SDK1: variants seen among roughly 807,000 people sequenced by gnomAD.
The protein encoded by SDK1 is protein sidekick-1.
A neutral mutation model predicts 245.5 loss-of-function variants in SDK1; 157 were observed. That is an observed-to-expected ratio of 0.64 (90% CI 0.56 to 0.73). SDK1 has a LOEUF of 0.73. Among genes scored for constraint, SDK1 ranks in the 30% least tolerant of loss-of-function variants. The pLI is 0.00. For missense variants in SDK1, 3,583 were observed against 3,002.3 expected (o/e 1.19, Z -4.52); for synonymous variants, 1,647 against 1,278.5 (o/e 1.29, Z -6.15).
intron 44 of SDK1, among the ~76,000 whole-genome samples, chr7:4,254,987 C>G (rs1222658128): frequency 6.6e-6 from 1 of 152,218 alleles, no homozygotes; most frequent in Non-Finnish European, 1.5e-5. Flanking sequence ...TACGTGCTAG[C>G]TCTGGTTTTC....
chr7:3,417,978 C>T (rs138347254), intron 1 of SDK1, among the ~76,000 whole-genome samples: 3 of 151,978 alleles, frequency 2.0e-5, no homozygotes, highest in African/African-American at 7.3e-5. Flanking sequence ...GGAACCCTTA[C>T]AAGTGATTTC....
intron 4 of SDK1, among the ~76,000 whole-genome samples, chr7:3,767,034 G>C (rs1780275047): frequency 6.6e-6 from 1 of 152,184 alleles, no homozygotes; most frequent in African/African-American, 2.4e-5. Context: ...CAAGCCAGAG[G>C]AATGAAGAGC....
chr7:3,466,237 C>T (rs1310553256), intron 1 of SDK1, among the ~76,000 whole-genome samples: 3 of 151,730 alleles, frequency 2.0e-5, no homozygotes, highest in Admixed American at 2.0e-4. Context: ...GGCAGATTTT[C>T]AGCTTTATAT....
intron 1 of SDK1, among the ~76,000 whole-genome samples, chr7:3,582,162 A>G (rs1780520312): frequency 6.6e-6 from 1 of 150,508 alleles, no homozygotes; most frequent in Non-Finnish European, 1.5e-5. Context: ...TGTCTCAGGT[A>G]GGTCTCCCTC....
intron 9 of SDK1, among the ~76,000 whole-genome samples, chr7:3,966,139 G>C (rs936097633): frequency 2.0e-5 from 3 of 152,074 alleles, no homozygotes; most frequent in Non-Finnish European, 4.4e-5. Context: ...GTTGAGACCT[G>C]TTAGGGGGCC....
intron 1 of SDK1, among the ~76,000 whole-genome samples, chr7:3,477,581 C>A (rs916340182): frequency 1.3e-5 from 2 of 151,298 alleles, no homozygotes; most frequent in African/African-American, 4.9e-5. Context: ...GTGGTGCAGT[C>A]ATAGCTCGCT....
intron 2 of SDK1, among the ~76,000 whole-genome samples, chr7:3,625,003 C>T (rs901028818): frequency 6.6e-6 from 1 of 152,116 alleles, no homozygotes; most frequent in Non-Finnish European, 1.5e-5. Flanking sequence ...CATGCCATTG[C>T]ACTCCAGCCT....
chr7:3,557,096 G>A (rs980781172), intron 1 of SDK1, among the ~76,000 whole-genome samples: 2 of 151,662 alleles, frequency 1.3e-5, no homozygotes, highest in South Asian at 2.1e-4. Flanking sequence ...GAAGGAAAGA[G>A]ATAATAAAAG....
intron 1 of SDK1, among the ~76,000 whole-genome samples, chr7:3,513,141 T>C (rs1358875050): frequency 6.6e-6 from 1 of 152,206 alleles, no homozygotes; most frequent in Non-Finnish European, 1.5e-5. Context: ...AGCTAACAGT[T>C]ACTGAGCTCT....
intron 17 of SDK1, among the ~76,000 whole-genome samples, chr7:4,035,422 A>T (rs984346100): frequency 1.3e-5 from 2 of 152,224 alleles, no homozygotes; most frequent in Admixed American, 1.3e-4. Context: ...ACTTTGAAAG[A>T]TGGAAATTTG....
intron 4 of SDK1, among the ~76,000 whole-genome samples, chr7:3,816,582 G>T (rs572934182): frequency 6.6e-6 from 1 of 151,890 alleles, no homozygotes; most frequent in East Asian, 1.9e-4. Context: ...AATAACAGGA[G>T]CTGAAATTGT....
rs1221287615 is a variant in SDK1 at position 3,767,531 on chromosome 7, C to T, written c.714-53919C>T. 2.0e-5 allele frequency among the ~76,000 whole-genome samples: 3 copies of T among 151,522 alleles called. No homozygotes were observed. In the East Asian group the frequency reaches 5.8e-4, roughly 29 times the overall value. On this transcript the variant is annotated intron_variant, in intron 4 of 44. Transcript: ENST00000404826. ...ACAAAATGAAATTCATGATAGCTAA[C>T]ACTTACATAGGCTTACTCTATGCCA...
At chr7:3,668,002 T>C (rs1783588831) in intron 4 of SDK1, among the ~76,000 whole-genome samples, 1 of 152,148 alleles carries the variant, frequency 6.6e-6, no homozygotes, top group South Asian at 2.1e-4. Flanking sequence ...TATTTAACTT[T>C]ATAAGAAACT....
chr7:4,126,495 C>A (rs2128196483), intron 25 of SDK1, among the ~76,000 whole-genome samples: 1 of 152,146 alleles, frequency 6.6e-6, no homozygotes, highest in East Asian at 1.9e-4. Context: ...CCGAGGCGGA[C>A]AAATCACTTG....
At chr7:3,676,401 G>C (rs986896134) in intron 4 of SDK1, among the ~76,000 whole-genome samples, 46 of 147,510 alleles carry the variant, frequency 3.1e-4, no homozygotes, top group Non-Finnish European at 1.3e-4. Context: ...TCTCAGCTCA[G>C]TGCAAGCTCC....
chr7:3,436,582 A>C (rs1215120317), intron 1 of SDK1, among the ~76,000 whole-genome samples: 1 of 152,210 alleles, frequency 6.6e-6, no homozygotes, highest in East Asian at 1.9e-4. Context: ...GAAAAATTTT[A>C]AATAGAAAAT....
chr7:4,051,095 G>A (rs1185981833), intron 18 of SDK1, among the ~76,000 whole-genome samples: 2 of 137,286 alleles, frequency 1.5e-5, no homozygotes, highest in East Asian at 4.0e-4. Context: ...TATACTATAT[G>A]TGTATATAAT....
chr7:3,938,403 G>A (rs1410863858), intron 5 of SDK1, among the ~76,000 whole-genome samples: 3 of 152,080 alleles, frequency 2.0e-5, no homozygotes, highest in African/African-American at 4.8e-5. Flanking sequence ...AGCACTTTGG[G>A]AGGCCGAGGC....
At chr7:3,828,092 A>G (rs1779822330) in intron 5 of SDK1, among the ~76,000 whole-genome samples, 2 of 152,130 alleles carry the variant, frequency 1.3e-5, no homozygotes, top group Admixed American at 1.3e-4. Flanking sequence ...AGCCTAACTA[A>G]TATGGAAACT....
Sources: allele counts gnomAD v4.1 joint callset (sites outside exome capture counted in the v4.1 genomes callset), GRCh38; gene constraint gnomAD v4.1.1; transcripts MANE v1.5; gene names NCBI Gene and HGNC (gene_info 2026-07-23, HGNC 2026-07-21).